Variants in SPIRE1 observed in about 807,000 individuals in gnomAD.
SPIRE1 encodes protein spire homolog 1.
SPIRE1 carries 40 observed loss-of-function variants against 94.1 expected under a neutral mutation model. That is an observed-to-expected ratio of 0.43 (90% CI 0.33 to 0.55). SPIRE1 has a LOEUF of 0.55. Among genes scored for constraint, SPIRE1 ranks in the 20% least tolerant of loss-of-function variants. SPIRE1 has a pLI of 0.06. For missense variants in SPIRE1, 838 were observed against 975.2 expected, an observed-to-expected ratio of 0.86 and a Z score of 1.87; for synonymous variants, 376 against 371.7, an observed-to-expected ratio of 1.01 and a Z score of -0.13.
intron 2 of SPIRE1, among the ~76,000 whole-genome samples, chr18:12,579,278 G>A (rs2036197806): frequency 6.6e-6 from 1 of 151,830 alleles, no homozygotes; most frequent in African/African-American, 2.4e-5. Flanking sequence ...GTGTGGGGCT[G>A]TGCATACAAT....
intron 16 of SPIRE1, chr18:12,450,414 G>A (rs2031176246): frequency 4.6e-6 from 2 of 432,032 alleles, no homozygotes; most frequent in Non-Finnish European, 8.3e-6. Flanking sequence ...ATTAAGACAG[G>A]CACTGCCCAG....
intron 2 of SPIRE1, among the ~76,000 whole-genome samples, chr18:12,629,506 T>C (rs2037719478): frequency 6.6e-6 from 1 of 152,202 alleles, no homozygotes; most frequent in Non-Finnish European, 1.5e-5. Flanking sequence ...ATTAGTAGTC[T>C]GAGCTGTGAG....
At chr18:12,494,860 C>CA (rs1197034933) in intron 7 of SPIRE1, among the ~76,000 whole-genome samples, 78 of 80,086 alleles carry the variant, frequency 9.7e-4, no homozygotes, top group African/African-American at 1.9e-3. Flanking sequence ...AAAAAAAATA[C>CA]AAAAAAAAAC....
chr18:12,459,106 G>C (rs12962727), intron 12 of SPIRE1, among the ~76,000 whole-genome samples: 28 of 152,232 alleles, frequency 1.8e-4, no homozygotes, highest in South Asian at 4.1e-4. Flanking sequence ...GAATTGTGAA[G>C]GTTCAAATAA....
rs77454072 is a variant in SPIRE1 at position 12,655,834 on chromosome 18, G to A, written c.337+1696C>T. Reference sequence around the variant, plus strand: ...TCCGGAAATCACCACTACCAACGCTGCTTCTAAAAGCAGGCTGCACACAAC... The same window carrying A: ...TCCGGAAATCACCACTACCAACGCTACTTCTAAAAGCAGGCTGCACACAAC... On this transcript the variant is annotated intron_variant, in intron 1 of 16. Transcript: ENST00000409402. Among the ~76,000 whole-genome samples, 967 of 152,272 alleles carry A rather than the reference G, an allele frequency of 6.4e-3. 9 individuals are homozygous for A. The highest frequency in any genetic ancestry group is 0.022 in the African/African-American group (933 of 41,550).
chr18:12,546,736 G>A lies in SPIRE1; in HGVS notation c.541C>T (p.Leu181=). The A allele has an allele frequency of 3.1e-6, 5 of 1,614,010 alleles. No homozygotes were observed. Among genetic ancestry groups the A allele is most frequent in the Non-Finnish European group, 4.2e-6 (5 of 1,180,014 alleles). Residue 181 remains leucine (L), a synonymous_variant, in exon 3 of 17, where the codon CTG becomes TTG. Coordinates refer to ENST00000409402, the MANE Select transcript of SPIRE1 (RefSeq NM_001128626.2). ...TTTCTCTTTTCATCTTCATCTCCCA[G>A]GCCTTCTTCTGCAGCCTCATAGCCC... The part of the protein sequence containing the change: ...DEGYEAAEEG[L]GDEDEKRKIS...
At chr18:12,526,707 T>TC (rs2034532881) in intron 4 of SPIRE1, among the ~76,000 whole-genome samples, 1 of 150,714 alleles carries the variant, frequency 6.6e-6, no homozygotes, top group Non-Finnish European at 1.5e-5. Context: ...ATTTTATTTT[T>TC]TTTAATTTAA....
chr18:12,555,634 A>C (rs1415564783), intron 2 of SPIRE1, among the ~76,000 whole-genome samples: 2 of 152,218 alleles, frequency 1.3e-5, no homozygotes, highest in East Asian at 3.8e-4. Flanking sequence ...TCATGATAAA[A>C]ACCCTCAAAA....
intron 2 of SPIRE1, among the ~76,000 whole-genome samples, chr18:12,569,264 A>G (rs890816372): frequency 7.3e-5 from 11 of 151,374 alleles, no homozygotes; most frequent in Non-Finnish European, 1.3e-4. Flanking sequence ...AATGGCGTGA[A>G]CCTGGGAGGG....
At chr18:12,554,597 T>C (rs1462863704) in intron 2 of SPIRE1, among the ~76,000 whole-genome samples, 3 of 152,196 alleles carry the variant, frequency 2.0e-5, no homozygotes, top group Non-Finnish European at 2.9e-5. Context: ...TCTCAAACTA[T>C]TCTGAAAAAT....
At chr18:12,604,839 T>C (rs1200314711) in intron 2 of SPIRE1, among the ~76,000 whole-genome samples, 2 of 152,142 alleles carry the variant, frequency 1.3e-5, no homozygotes, top group South Asian at 2.1e-4. Flanking sequence ...GGCCAACAGG[T>C]AGAAGCAACC....
intron 12 of SPIRE1, among the ~76,000 whole-genome samples, chr18:12,460,760 G>A (rs2031757950): frequency 1.3e-5 from 2 of 151,544 alleles, no homozygotes; most frequent in South Asian, 4.2e-4. Flanking sequence ...GCCATTTTCA[G>A]TTGAGGAGTT....
At chr18:12,463,258 G>GT in intron 12 of SPIRE1, 93 bp downstream of exon 12, 2 of 1,312,694 alleles carry the variant, frequency 1.5e-6, no homozygotes, top group Non-Finnish European at 2.0e-6. Flanking sequence ...ACTTTTGCAA[G>GT]TTTTTTTCTC....
At chr18:12,567,926 G>A (rs915588614) in intron 2 of SPIRE1, among the ~76,000 whole-genome samples, 18 of 152,186 alleles carry the variant, frequency 1.2e-4, no homozygotes, top group Non-Finnish European at 2.5e-4. Flanking sequence ...CAAAGCCATT[G>A]GTCTTTGTGA....
At chr18:12,508,768 G>A (rs994254830) in intron 5 of SPIRE1, among the ~76,000 whole-genome samples, 4 of 151,106 alleles carry the variant, frequency 2.6e-5, no homozygotes, top group South Asian at 2.1e-4. Context: ...TCTGCCTCCC[G>A]GGTTCAAGTG....
At chr18:12,578,191 C>T (rs1210926121) in intron 2 of SPIRE1, among the ~76,000 whole-genome samples, 1 of 152,192 alleles carries the variant, frequency 6.6e-6, no homozygotes, top group African/African-American at 2.4e-5. Flanking sequence ...CCACCAATTA[C>T]ATTCCTATTT....
At chr18:12,535,649 T>A (rs761851693) in intron 3 of SPIRE1, 48 bp from the exon 4 acceptor site, 1 of 1,573,476 alleles carries the variant, frequency 6.4e-7, no homozygotes, top group African/African-American at 1.4e-5. Context: ...CTATTTGGGT[T>A]TTTTTTGTAC....
At chr18:12,557,876 T>C (rs1355806709) in intron 2 of SPIRE1, among the ~76,000 whole-genome samples, 1 of 151,960 alleles carries the variant, frequency 6.6e-6, no homozygotes, top group African/African-American at 2.4e-5. Flanking sequence ...ACATCTACAA[T>C]GAACTCATTT....
At chr18:12,528,470 A>G (rs923158480) in intron 4 of SPIRE1, among the ~76,000 whole-genome samples, 4 of 152,210 alleles carry the variant, frequency 2.6e-5, no homozygotes, top group African/African-American at 9.7e-5. Context: ...TTTTCTAGGT[A>G]GCGAAGAGGG....
Sources: gnomAD v4.1 joint callset for allele counts (sites outside exome capture counted in the v4.1 genomes callset) on GRCh38, gnomAD v4.1.1 for gene constraint, MANE v1.5 for transcripts, NCBI Gene and HGNC (gene_info 2026-07-23, HGNC 2026-07-21) for gene names.